The following KIAA0232 variants were observed in gnomAD, a reference collection of about 807,000 sequenced individuals.
KIAA0232 encodes the protein uncharacterized protein KIAA0232.
In KIAA0232, 27 loss-of-function variants were observed where a neutral mutation model predicts 122.0. The ratio of observed to expected loss-of-function variants is 0.22; its 90% CI spans 0.16 to 0.31. The LOEUF (loss-of-function observed/expected upper bound fraction) is 0.31. KIAA0232 is among the 10% of genes least tolerant of loss of function. The pLI, the probability that KIAA0232 is intolerant of heterozygous loss-of-function variation, is 1.00. For synonymous variants in KIAA0232, 613 were observed against 587.6 expected (o/e 1.04, Z -0.63); for missense variants, 1,551 against 1,634.2 (o/e 0.95, Z 0.88).
chr4:6,807,440 C>G (rs1717692500), intron 2 of KIAA0232, among the ~76,000 whole-genome samples: 1 of 152,212 alleles, frequency 6.6e-6, no homozygotes, highest in Non-Finnish European at 1.5e-5. Flanking sequence ...GCAGTTTTTC[C>G]TCTTTTTGTA....
At chr4:6,831,704 C>G (rs1165210329) in intron 3 of KIAA0232, among the ~76,000 whole-genome samples, 1 of 152,230 alleles carries the variant, frequency 6.6e-6, no homozygotes, top group African/African-American at 2.4e-5. Context: ...TCGTGTCCCA[C>G]ACAGCTTTAG....
At chr4:6,876,395 G>A (rs957243873) in intron 8 of KIAA0232, among the ~76,000 whole-genome samples, 28 of 152,154 alleles carry the variant, frequency 1.8e-4, no homozygotes, top group Middle Eastern at 3.2e-3. Context: ...CCTCCTGGTA[G>A]AATAACAGGA....
At chr4:6,815,793 A>G (rs1165990825) in intron 2 of KIAA0232, among the ~76,000 whole-genome samples, 2 of 152,176 alleles carry the variant, frequency 1.3e-5, no homozygotes, top group Non-Finnish European at 2.9e-5. Context: ...CAGATTTTGG[A>G]CAAGTTGTAA....
intron 4 of KIAA0232, among the ~76,000 whole-genome samples, chr4:6,850,352 C>T (rs190293699): frequency 2.9e-4 from 44 of 152,264 alleles, no homozygotes; most frequent in Middle Eastern, 3.4e-3. Context: ...CATCATACCC[C>T]GCTTGGTGTT....
rs537963057 is a variant in KIAA0232, at chr4:6,822,766, CT to C, written c.-269-1406del. On this transcript the variant is annotated intron_variant, in intron 2 of 9. Transcript: ENST00000307659. ...CCTAGGTATATAAGAAGACAAGTTT[CT>C]TTTTTTTTTTTTAATTTATTATTAT... Among the ~76,000 whole-genome samples the C allele has an allele frequency of 7.3e-3, 998 of 136,458 alleles. 2 individuals carry two copies. The highest frequency in any genetic ancestry group is 0.017 in the South Asian group (73 of 4,230). 89.5% of individuals were successfully genotyped at this position (136,458 alleles called of 152,430 possible). A position where few individuals can be genotyped will look rare whatever the true frequency, so the allele number is the denominator to read the frequency against.
At chr4:6,792,908 G>T (rs373962304) in intron 1 of KIAA0232, among the ~76,000 whole-genome samples, 3 of 151,830 alleles carry the variant, frequency 2.0e-5, no homozygotes, top group African/African-American at 7.3e-5. Flanking sequence ...GAATGGTCTC[G>T]ATCTCCTGAT....
intron 7 of KIAA0232, among the ~76,000 whole-genome samples, chr4:6,867,791 T>C (rs901944945): frequency 6.6e-6 from 1 of 152,148 alleles, no homozygotes; most frequent in African/African-American, 2.4e-5. Context: ...CCTCATGCGG[T>C]AGGTTATTTT....
intron 8 of KIAA0232, among the ~76,000 whole-genome samples, chr4:6,872,779 C>T (rs1012259600): frequency 1.3e-5 from 2 of 152,250 alleles, no homozygotes; most frequent in Non-Finnish European, 2.9e-5. Flanking sequence ...ACTTCTCTCT[C>T]ACTAGCCACG....
intron 3 of KIAA0232, 137 bp downstream of exon 3, chr4:6,824,821 T>C: frequency 5.6e-6 from 4 of 719,200 alleles, no homozygotes; most frequent in African/African-American, 1.8e-5. Context: ...AGTGACCAGA[T>C]GGTAAGATTG....
chr4:6,876,900 G>C, intron 9 of KIAA0232, 143 bp downstream of exon 9: 1 of 620,618 alleles, frequency 1.6e-6, no homozygotes, highest in Non-Finnish European at 2.9e-6. Flanking sequence ...CAGACTTCCT[G>C]TTCTCTGGCC....
intron 1 of KIAA0232, among the ~76,000 whole-genome samples, chr4:6,792,159 C>CA (rs973068630): frequency 2.5e-4 from 38 of 152,148 alleles, no homozygotes; most frequent in Non-Finnish European, 1.2e-4. Context: ...ATCAGCATTG[C>CA]AAAAACAGAC....
intron 4 of KIAA0232, among the ~76,000 whole-genome samples, chr4:6,850,665 G>A (rs894195915): frequency 6.6e-6 from 1 of 151,642 alleles, no homozygotes; most frequent in South Asian, 2.1e-4. Flanking sequence ...AAGTAGAAAG[G>A]AACATTCTTT....
At chr4:6,838,561 AGATAT>A (rs1719473430) in intron 3 of KIAA0232, among the ~76,000 whole-genome samples, 1 of 152,118 alleles carries the variant, frequency 6.6e-6, no homozygotes, top group South Asian at 2.1e-4. Context: ...GTTACCTGAT[AGATAT>A]ATTATTATTC....
chr4:6,850,038 G>C (rs1303700538), intron 4 of KIAA0232, among the ~76,000 whole-genome samples: 1 of 152,104 alleles, frequency 6.6e-6, no homozygotes, highest in Non-Finnish European at 1.5e-5. Flanking sequence ...TAGAAAATTG[G>C]GATTTTTTAA....
chr4:6,847,013 A>G (rs916210494), intron 4 of KIAA0232, among the ~76,000 whole-genome samples: 2 of 152,148 alleles, frequency 1.3e-5, no homozygotes, highest in African/African-American at 4.8e-5. Context: ...AACCACTAAC[A>G]GTTCAAGTTT....
chr4:6,862,753 G>A lies in KIAA0232; in HGVS notation c.2371G>A (p.Val791Ile), dbSNP rs374904040. 39 of 1,613,492 alleles carry A rather than the reference G, an allele frequency of 2.4e-5. No homozygotes were observed. Among genetic ancestry groups the A allele is most frequent in the South Asian group, 6.6e-5 (6 of 90,892 alleles). ...VFKKTSKLES[V>I]CGIQLEQKTE... ...CAAAAAAACATCTAAACTAGAATCC[G>A]TCTGTGGTATTCAGCTAGAACAAAA... is the stretch of plus-strand genomic sequence containing the variant. Residue 791 changes from valine to isoleucine, a missense_variant, in exon 7 of 10, where the codon GTC becomes ATC. This residue lies in a region of KIAA0232 where 1,108 missense variants were observed against 1,154.8 expected (regional missense o/e 0.96). Coordinates refer to ENST00000307659, the MANE Select transcript of KIAA0232 (RefSeq NM_014743.3).
At chr4:6,852,115 A>C (rs553614473) in intron 4 of KIAA0232, among the ~76,000 whole-genome samples, 10 of 152,124 alleles carry the variant, frequency 6.6e-5, no homozygotes, top group African/African-American at 2.2e-4. Context: ...TATCCATTGG[A>C]TACTTCTCTC....
chr4:6,872,412 G>A (rs1363932660), intron 8 of KIAA0232, among the ~76,000 whole-genome samples: 2 of 152,224 alleles, frequency 1.3e-5, no homozygotes, highest in Non-Finnish European at 2.9e-5. Context: ...GGGAGTCTAG[G>A]TAGAGAGGGA....
chr4:6,814,944 A>G (rs1303100461), intron 2 of KIAA0232, among the ~76,000 whole-genome samples: 1 of 152,210 alleles, frequency 6.6e-6, no homozygotes, highest in Non-Finnish European at 1.5e-5. Flanking sequence ...GGGAATACAC[A>G]TGAATTAGGA....
Sources: allele counts gnomAD v4.1 joint callset (sites outside exome capture counted in the v4.1 genomes callset), GRCh38; gene constraint gnomAD v4.1.1; regional missense constraint gnomAD v4.1.1; transcripts MANE v1.5; gene names NCBI Gene and HGNC (gene_info 2026-07-23, HGNC 2026-07-21).